Variants in RALGPS2 observed in about 807,000 individuals in gnomAD.
RALGPS2 encodes the protein Ral GEF with PH domain and SH3 binding motif 2, also known as ras-specific guanine nucleotide-releasing factor RalGPS2.
RALGPS2 carries 43 observed loss-of-function variants against 86.8 expected under a neutral mutation model. That is an observed-to-expected ratio of 0.50 (90% CI 0.39 to 0.64). RALGPS2 has a LOEUF of 0.64. Among genes scored for constraint, RALGPS2 ranks in the 30% least tolerant of loss-of-function variants. The probability of loss-of-function intolerance (pLI) is 0.00; values close to 1 mark genes in which losing one functional copy is unlikely to be tolerated. For missense variants in RALGPS2, 536 were observed against 694.6 expected, an observed-to-expected ratio of 0.77 and a Z score of 2.57; for synonymous variants, 243 against 231.3, an observed-to-expected ratio of 1.05 and a Z score of -0.46.
intron 1 of RALGPS2, among the ~76,000 whole-genome samples, chr1:178,750,190 C>T (rs1427022908): frequency 6.6e-6 from 1 of 151,978 alleles, no homozygotes; most frequent in Non-Finnish European, 1.5e-5. Flanking sequence ...GGCAAACCTT[C>T]TCTAAAGGCC....
rs570296633 is a variant in RALGPS2, at chr1:178,894,682, G to T, written c.1431+658G>T. Among the ~76,000 whole-genome samples, 3 of 152,090 alleles carry T rather than the reference G, an allele frequency of 2.0e-5. No homozygotes were observed. In the South Asian group the frequency reaches 6.2e-4, roughly 32 times the overall value. On this transcript the variant is annotated intron_variant, in intron 16 of 19. Transcript: ENST00000367635. ...TTCCAATAAATATTTTTAGACTATG[G>T]TTGCCTGTGGGTAACTGAAACCACA... is the stretch of plus-strand genomic sequence containing the variant.
At chr1:178,734,671 A>G (rs923424618) in intron 1 of RALGPS2, among the ~76,000 whole-genome samples, 1 of 152,252 alleles carries the variant, frequency 6.6e-6, no homozygotes, top group Non-Finnish European at 1.5e-5. Context: ...TATGAAGCAA[A>G]CAACTCCGAA....
intron 4 of RALGPS2, among the ~76,000 whole-genome samples, chr1:178,793,631 T>C (rs1654060773): frequency 2.6e-5 from 4 of 152,110 alleles, no homozygotes; most frequent in Admixed American, 2.6e-4. Context: ...AGAATATAAA[T>C]TCCATGTGGG....
At position 178,805,826 on chromosome 1, in the gene RALGPS2, TAA is replaced by T. The variant is rs60241081; in HGVS notation, c.214-2218_214-2217del. On this transcript the variant is annotated intron_variant, in intron 4 of 19. Coordinates refer to ENST00000367635, the MANE Select transcript of RALGPS2 (RefSeq NM_152663.5). ...ATATTTTTTACAATCGAACTGTACT[TAA>T]GTTTTGTTTTCTTTGAGCTAAAATG... Among the ~76,000 whole-genome samples, 131 of 152,274 alleles carry T rather than the reference TAA, an allele frequency of 8.6e-4. 3 individuals carry two copies. The East Asian group carries it at 0.022, about 25-fold the overall frequency.
chr1:178,806,305 A>T (rs938802107), intron 4 of RALGPS2, among the ~76,000 whole-genome samples: 10 of 152,168 alleles, frequency 6.6e-5, no homozygotes, highest in Non-Finnish European at 1.0e-4. Context: ...TAGAAAATTG[A>T]ATTCTTCAAA....
chr1:178,890,354 T>G (rs1315375672), intron 14 of RALGPS2, among the ~76,000 whole-genome samples: 2 of 151,970 alleles, frequency 1.3e-5, no homozygotes, highest in Non-Finnish European at 2.9e-5. Flanking sequence ...CCATTAGGAT[T>G]CTTATGTTTT....
intron 8 of RALGPS2, chr1:178,865,304 AT>A (rs1558159551): frequency 1.9e-6 from 3 of 1,613,990 alleles, no homozygotes; most frequent in Non-Finnish European, 2.5e-6. Context: ...GACATTGAGG[AT>A]TTTGTTTTCC....
intron 8 of RALGPS2, among the ~76,000 whole-genome samples, chr1:178,860,177 A>G (rs1004579064): frequency 3.7e-4 from 56 of 150,548 alleles, no homozygotes; most frequent in African/African-American, 1.3e-3. Flanking sequence ...CTATTTGTAA[A>G]AGAGTAATTT....
At chr1:178,907,916 T>C (rs1660455311) in intron 19 of RALGPS2, among the ~76,000 whole-genome samples, 1 of 152,242 alleles carries the variant, frequency 6.6e-6, no homozygotes. Context: ...ACTTTCTTCA[T>C]CCTTTAAGTC....
At chr1:178,875,770 A>T (rs987299786) in intron 8 of RALGPS2, among the ~76,000 whole-genome samples, 2 of 152,124 alleles carry the variant, frequency 1.3e-5, no homozygotes, top group African/African-American at 2.4e-5. Flanking sequence ...TTTAAAAAAA[A>T]ATATGTATAC....
intron 1 of RALGPS2, among the ~76,000 whole-genome samples, chr1:178,741,363 C>T (rs1651016840): frequency 6.6e-6 from 1 of 152,162 alleles, no homozygotes; most frequent in African/African-American, 2.4e-5. Context: ...AGAATTCAAA[C>T]CCAGGTGGTC....
At chr1:178,730,239 G>GCCCTGTTTTTCAGTT (rs1447828874) in intron 1 of RALGPS2, among the ~76,000 whole-genome samples, 1 of 152,114 alleles carries the variant, frequency 6.6e-6, no homozygotes, top group African/African-American at 2.4e-5. Context: ...ACCATGCCTG[G>GCCCTGTTTTTCAGTT]CCCTGTTTTT....
chr1:178,878,873 C>G, intron 9 of RALGPS2, 29 bp from the exon 10 acceptor site: 2 of 1,605,812 alleles, frequency 1.2e-6, no homozygotes, highest in South Asian at 1.1e-5. Context: ...TGTACTTTAT[C>G]AGATAATTAT....
At chr1:178,892,096 A>G (rs1572456394) in intron 14 of RALGPS2, 134 bp from the exon 15 acceptor site, 1 of 868,576 alleles carries the variant, frequency 1.2e-6, no homozygotes, top group South Asian at 2.0e-5. Flanking sequence ...AAGAGGAACA[A>G]TCACATACTA....
intron 8 of RALGPS2, among the ~76,000 whole-genome samples, chr1:178,852,267 C>T (rs1310899418): frequency 2.0e-5 from 3 of 152,154 alleles, no homozygotes; most frequent in African/African-American, 7.2e-5. Context: ...TTTGAGAGTA[C>T]TTATTCCCAC....
intron 15 of RALGPS2, 64 bp downstream of exon 15, chr1:178,892,371 G>C: frequency 8.8e-6 from 12 of 1,370,494 alleles, no homozygotes; most frequent in Non-Finnish European, 1.2e-5. Flanking sequence ...TGGCTTACAT[G>C]GGTGTGGTCT....
chr1:178,904,257 T>C (rs1660301862), intron 18 of RALGPS2, among the ~76,000 whole-genome samples: 1 of 152,236 alleles, frequency 6.6e-6, no homozygotes, highest in Non-Finnish European at 1.5e-5. Flanking sequence ...GTTAGTCCTT[T>C]GTCAGATGTA....
chr1:178,803,632 T>C (rs967363106), intron 4 of RALGPS2, among the ~76,000 whole-genome samples: 2 of 152,186 alleles, frequency 1.3e-5, no homozygotes, highest in Non-Finnish European at 2.9e-5. Context: ...AAAATGATCA[T>C]ATAGCTAGGC....
At chr1:178,788,804 C>CT (rs1553263424) in intron 4 of RALGPS2, among the ~76,000 whole-genome samples, 97 of 148,446 alleles carry the variant, frequency 6.5e-4, no homozygotes, top group Middle Eastern at 3.4e-3. Flanking sequence ...TCTTTTCTTT[C>CT]TTTCTTTTCT....
Sources: gnomAD v4.1 joint callset for allele counts (sites outside exome capture counted in the v4.1 genomes callset) on GRCh38, gnomAD v4.1.1 for gene constraint, MANE v1.5 for transcripts, NCBI Gene and HGNC (gene_info 2026-07-23, HGNC 2026-07-21) for gene names.